The following TRIM49C variants were observed in gnomAD, a reference collection of about 807,000 sequenced individuals.
TRIM49C encodes tripartite motif containing 49C, also known as tripartite motif-containing protein 49C.
TRIM49C carries 6 observed loss-of-function variants against 21.4 expected under a neutral mutation model. The ratio of observed to expected loss-of-function variants is 0.28; its 90% CI spans 0.15 to 0.55. The LOEUF (loss-of-function observed/expected upper bound fraction) is 0.55. Ranked by LOEUF, TRIM49C falls within the 20% of genes least tolerant of loss-of-function variation. TRIM49C has a pLI of 0.94. For synonymous variants in TRIM49C, 57 were observed against 148.1 expected (o/e 0.38, Z 4.47); for missense variants, 161 against 442.4 (o/e 0.36, Z 5.71).
At chr11:90,046,949 G>C (rs2134830191), downstream of TRIM49C, among the ~76,000 whole-genome samples, 1 of 125,376 alleles carries the variant, frequency 8.0e-6, no homozygotes, top group African/African-American at 3.2e-5. Flanking sequence ...ATGTGTCCCA[G>C]AGATTGCAGT....
At chr11:90,064,569 CTT>C in the TRIM49C span, among the ~76,000 whole-genome samples, 16 of 118,854 alleles carry the variant, frequency 1.3e-4, no homozygotes, top group Admixed American at 1.9e-4. Flanking sequence ...TTCTTTCTAT[CTT>C]TTTTTTTTTT....
At chr11:90,039,026 T>G (rs1270492050) in intron 6 of TRIM49C, among the ~76,000 whole-genome samples, 1 of 136,976 alleles carries the variant, frequency 7.3e-6, no homozygotes, top group Non-Finnish European at 1.6e-5. Context: ...TTCACACCAT[T>G]CCCCTGCCTC....
chr11:90,051,733 T>G, the TRIM49C span: 7 of 237,356 alleles, frequency 2.9e-5, 1 homozygote, highest in South Asian at 5.5e-5. Context: ...CCTAGAGAGA[T>G]AGCGCGGAAA....
downstream of TRIM49C, among the ~76,000 whole-genome samples, chr11:90,042,653 A>G (rs1590917851): frequency 2.5e-5 from 3 of 119,602 alleles, 1 homozygote; most frequent in Middle Eastern, 0.012. Flanking sequence ...TGTCAAAGAT[A>G]CAGAATAAAT....
downstream of TRIM49C, among the ~76,000 whole-genome samples, chr11:90,046,750 A>G (rs1950803870): frequency 8.1e-6 from 1 of 123,750 alleles, no homozygotes; most frequent in African/African-American, 3.3e-5. Flanking sequence ...TGAAGGTTTC[A>G]TTGTGTCTCT....
the TRIM49C span, among the ~76,000 whole-genome samples, chr11:90,048,540 T>C: frequency 7.8e-6 from 1 of 128,134 alleles, no homozygotes; most frequent in Non-Finnish European, 1.6e-5. Flanking sequence ...TGATACCCTT[T>C]CTTCCAGTTG....
In TRIM49C at chr11:90,039,432, G is replaced by A. The variant is rs1385333669; in HGVS notation, c.762-433G>A. On this transcript the variant is annotated intron_variant, in intron 6 of 7. Coordinates refer to ENST00000448984, the MANE Select transcript of TRIM49C (RefSeq NM_001195234.1). ...AAAAAAACTGTGGAGTGTTAGAACT[G>A]TATAAGTCTCTAGGGAAGTTCTTTG... Among the ~76,000 whole-genome samples, 4 of 128,740 alleles carry A rather than the reference G, an allele frequency of 3.1e-5. 2 individuals are homozygous for A. Among genetic ancestry groups the A allele is most frequent in the Non-Finnish European group, 6.5e-5 (4 of 61,506 alleles). The allele number at this position is 128,740 out of a possible 152,430, so 84.5% of individuals were successfully genotyped here.
At chr11:90,039,215 G>A (rs1471994478) in intron 6 of TRIM49C, among the ~76,000 whole-genome samples, 1 of 132,718 alleles carries the variant, frequency 7.5e-6, no homozygotes, top group African/African-American at 2.8e-5. Context: ...CACCGTGCCC[G>A]GCCCCTGATT....
At chr11:90,039,439 T>C (rs1462288854) in intron 6 of TRIM49C, among the ~76,000 whole-genome samples, 1 of 128,856 alleles carries the variant, frequency 7.8e-6, no homozygotes, top group Non-Finnish European at 1.6e-5. Context: ...ACTGTATAAG[T>C]CTCTAGGGAA....
At position 90,038,572 on chromosome 11, in the gene TRIM49C, C is replaced by T; in HGVS notation, c.739-121C>T. 14 of 1,220,060 alleles carry T rather than the reference C, an allele frequency of 1.1e-5. 4 individuals are homozygous for T. Among genetic ancestry groups the T allele is most frequent in the Non-Finnish European group, 1.5e-5 (14 of 908,426 alleles). The allele number at this position is 1,220,060 out of a possible 1,614,324, so 75.6% of individuals were successfully genotyped here. On this transcript the variant is annotated intron_variant, in intron 5 of 7. Coordinates refer to ENST00000448984, the MANE Select transcript of TRIM49C (RefSeq NM_001195234.1). ...TACAGAAGAAATAGAAAATACTTTC[C>T]AGAAGAGAAGATGGTAGGGAAATAA...
the TRIM49C span, among the ~76,000 whole-genome samples, chr11:90,070,455 C>T: frequency 2.2e-5 from 3 of 133,560 alleles, 1 homozygote; most frequent in Admixed American, 1.8e-4. Context: ...TCTCGAAGAA[C>T]TCTTGTCTGC....
chr11:90,041,617 T>C lies in TRIM49C; in HGVS notation c.*67T>C. ...CCTTTATCCCAGGAAGTCCTCTTCC[T>C]TGTGCCTTAACATACAGGACAAATA... On this transcript the variant is annotated 3_prime_UTR_variant, in exon 8 of 8. Coordinates refer to ENST00000448984, the MANE Select transcript of TRIM49C (RefSeq NM_001195234.1). 1 of 843,902 alleles carries C rather than the reference T, an allele frequency of 1.2e-6. No homozygotes were observed. Among genetic ancestry groups the C allele is most frequent in the Non-Finnish European group, 1.7e-6 (1 of 601,928 alleles). 52.3% of individuals were successfully genotyped at this position (843,902 alleles called of 1,614,324 possible). A position where few individuals can be genotyped will look rare whatever the true frequency, so the allele number is the denominator to read the frequency against.
At chr11:90,049,150 G>T in the TRIM49C span, among the ~76,000 whole-genome samples, 2 of 123,296 alleles carry the variant, frequency 1.6e-5, 1 homozygote, top group Middle Eastern at 7.8e-3. Flanking sequence ...GGGGTAAGTG[G>T]CCGTGTGAGG....
At chr11:90,038,418 T>G (rs1950742255) in intron 5 of TRIM49C, among the ~76,000 whole-genome samples, 1 of 114,326 alleles carries the variant, frequency 8.7e-6, no homozygotes, top group Non-Finnish European at 1.8e-5. Flanking sequence ...CTGAGTAGGT[T>G]TTTCATGGTT....
Position 90,032,476 on chromosome 11 carries a change from G to A in TRIM49C, c.-111G>A, listed in dbSNP as rs1489175385. On this transcript the variant is annotated 5_prime_UTR_variant, in exon 2 of 8. Coordinates refer to ENST00000448984, the MANE Select transcript of TRIM49C (RefSeq NM_001195234.1). ...ACTGCACTTAGAACTGCATTTTGGC[G>A]ACCTCTGAAATTCAGTACTGCAGTG... The A allele has an allele frequency of 3.1e-5, 4 of 129,564 alleles. 1 individual carries two copies. The highest frequency in any genetic ancestry group is 1.7e-4 in the Admixed American group (2 of 11,488). 8.0% of individuals were successfully genotyped at this position (129,564 alleles called of 1,614,324 possible). A position where few individuals can be genotyped will look rare whatever the true frequency, so the allele number is the denominator to read the frequency against.
At chr11:90,047,280 AG>A in the TRIM49C span, among the ~76,000 whole-genome samples, 1 of 100,910 alleles carries the variant, frequency 9.9e-6, no homozygotes, top group Non-Finnish European at 1.9e-5. Context: ...GATGTCTATT[AG>A]GTCTGCTTGG....
the TRIM49C span, among the ~76,000 whole-genome samples, chr11:90,066,371 C>G: frequency 7.3e-6 from 1 of 136,942 alleles, no homozygotes; most frequent in African/African-American, 2.6e-5. Context: ...ATTATAGTTG[C>G]TTATGTGCCT....
chr11:90,034,797 T>C (rs1950713535), intron 2 of TRIM49C, among the ~76,000 whole-genome samples: 1 of 133,880 alleles, frequency 7.5e-6, no homozygotes, highest in Admixed American at 8.5e-5. Flanking sequence ...TTTGGCCATC[T>C]TCTCATATTT....
chr11:90,037,272 G>A (rs1425701408), intron 4 of TRIM49C, among the ~76,000 whole-genome samples: 1 of 133,174 alleles, frequency 7.5e-6, no homozygotes, highest in East Asian at 2.3e-4. Context: ...GACAAAGATG[G>A]CCAAATCATA....
Sources: gnomAD v4.1 joint callset for allele counts (sites outside exome capture counted in the v4.1 genomes callset) on GRCh38, gnomAD v4.1.1 for gene constraint, MANE v1.5 for transcripts, NCBI Gene and HGNC (gene_info 2026-07-23, HGNC 2026-07-21) for gene names.